CEP85L: variants seen among roughly 807,000 people sequenced by gnomAD.
CEP85L encodes centrosomal protein 85L, also known as centrosomal protein of 85 kDa-like.
A neutral mutation model predicts 100.3 loss-of-function variants in CEP85L; 60 were observed. The observed-to-expected ratio is 0.60, with a 90% CI of 0.49 to 0.74. The LOEUF is 0.74. CEP85L is among the 30% of genes least tolerant of loss of function. The pLI is 0.00. For missense variants in CEP85L, 973 were observed against 936.2 expected (o/e 1.04, Z -0.51); for synonymous variants, 319 against 322.7 (o/e 0.99, Z 0.12).
chr6:118,699,436 C>T (rs1285265657), intron 1 of CEP85L, among the ~76,000 whole-genome samples: 3 of 139,940 alleles, frequency 2.1e-5, no homozygotes, highest in African/African-American at 8.1e-5. Flanking sequence ...GCCTGGATGA[C>T]AGAGCAAGAC....
intron 5 of CEP85L, among the ~76,000 whole-genome samples, chr6:118,497,541 T>C (rs1582913676): frequency 6.6e-6 from 1 of 152,286 alleles, no homozygotes; most frequent in Non-Finnish European, 1.5e-5. Context: ...GTTATGTGCT[T>C]GAATCATCCC....
chr6:118,669,579 T>C (rs1013546299), intron 1 of CEP85L, among the ~76,000 whole-genome samples: 1 of 152,070 alleles, frequency 6.6e-6, no homozygotes, highest in African/African-American at 2.4e-5. Context: ...ATAAATATTT[T>C]CATTAGAAAT....
chr6:118,571,938 C>A (rs1779913486), intron 2 of CEP85L, among the ~76,000 whole-genome samples: 1 of 152,130 alleles, frequency 6.6e-6, no homozygotes, highest in Non-Finnish European at 1.5e-5. Flanking sequence ...CTCACCACAA[C>A]CTCTGCCTCC....
chr6:118,487,942 A>G (rs1774293884), intron 6 of CEP85L, among the ~76,000 whole-genome samples: 1 of 152,130 alleles, frequency 6.6e-6, no homozygotes, highest in Non-Finnish European at 1.5e-5. Flanking sequence ...ACTGGCTGAA[A>G]TTCTGCTTGT....
chr6:118,588,825 G>A (rs1205638374), intron 2 of CEP85L, among the ~76,000 whole-genome samples: 1 of 152,134 alleles, frequency 6.6e-6, no homozygotes, highest in East Asian at 1.9e-4. Context: ...TTCTTCCGAG[G>A]ATCCTTGGAT....
chr6:118,571,734 C>G (rs1779900490), intron 2 of CEP85L, among the ~76,000 whole-genome samples: 1 of 152,116 alleles, frequency 6.6e-6, no homozygotes, highest in Non-Finnish European at 1.5e-5. Context: ...AACTATATAA[C>G]CCTGTATCAA....
chr6:118,529,082 G>C (rs1777134273), intron 3 of CEP85L, among the ~76,000 whole-genome samples: 1 of 152,114 alleles, frequency 6.6e-6, no homozygotes, highest in Non-Finnish European at 1.5e-5. Flanking sequence ...TTTATCTTTT[G>C]AAAGTCCTAA....
chr6:118,698,611 A>G (rs1360463894), intron 1 of CEP85L, among the ~76,000 whole-genome samples: 1 of 152,048 alleles, frequency 6.6e-6, no homozygotes, highest in Non-Finnish European at 1.5e-5. Context: ...TCACTGTGAT[A>G]AGGATACTAC....
intron 2 of CEP85L, among the ~76,000 whole-genome samples, chr6:118,587,845 GTTATCT>G (rs1447264117): frequency 6.6e-6 from 1 of 152,142 alleles, no homozygotes; most frequent in Non-Finnish European, 1.5e-5. Context: ...CCTAAATATG[GTTATCT>G]TTATCCCAAG....
chr6:118,479,403 G>A (rs1215907878), intron 10 of CEP85L, among the ~76,000 whole-genome samples: 1 of 152,094 alleles, frequency 6.6e-6, no homozygotes, highest in Non-Finnish European at 1.5e-5. Context: ...GAGCATGCCA[G>A]GTACATAAAG....
intron 3 of CEP85L, among the ~76,000 whole-genome samples, chr6:118,524,273 T>C (rs2114789979): frequency 6.6e-6 from 1 of 152,086 alleles, no homozygotes; most frequent in East Asian, 1.9e-4. Flanking sequence ...TGAAACCCCA[T>C]CTCTACTAAA....
At chr6:118,499,358 A>C (rs970011010) in intron 5 of CEP85L, among the ~76,000 whole-genome samples, 10 of 152,190 alleles carry the variant, frequency 6.6e-5, no homozygotes, top group African/African-American at 2.4e-4. Context: ...ACAAAATCTA[A>C]CACCCATTCA....
chr6:118,708,005 T>A (rs1777656431), intron 1 of CEP85L, among the ~76,000 whole-genome samples: 1 of 151,898 alleles, frequency 6.6e-6, no homozygotes, highest in African/African-American at 2.4e-5. Flanking sequence ...TCTGGCAGCA[T>A]CTACTAAAAT....
chr6:118,608,074 T>C (rs1772352079), intron 2 of CEP85L, among the ~76,000 whole-genome samples: 1 of 152,260 alleles, frequency 6.6e-6, no homozygotes, highest in Non-Finnish European at 1.5e-5. Context: ...AGGAGCTCTT[T>C]AGGCACTAGA....
chr6:118,559,037 T>G lies in CEP85L; in HGVS notation c.1020+6492A>C, dbSNP rs111033560. The G allele has an allele frequency of 1.9e-5, 31 of 1,610,992 alleles. No homozygotes were observed. The highest frequency in any genetic ancestry group is 2.5e-5 in the Non-Finnish European group (29 of 1,177,192). On this transcript the variant is annotated intron_variant, in intron 3 of 12. Transcript: ENST00000368491. ...CTATTTATCAATTTCTGTCTCATCT[T>G]AATATGTCTCTTGCTGATCTGTATC...
intron 2 of CEP85L, among the ~76,000 whole-genome samples, chr6:118,614,944 T>C (rs1432943764): frequency 6.6e-6 from 1 of 152,248 alleles, no homozygotes; most frequent in East Asian, 1.9e-4. Flanking sequence ...ATATTATAAA[T>C]GTATTTCTAA....
At chr6:118,502,448 C>T (rs9489419) in intron 5 of CEP85L, 350,159 of 520,532 alleles carry the variant, frequency 0.67, 121,198 homozygotes, top group Non-Finnish European at 0.73. Flanking sequence ...TATCACCTGA[C>T]GATGAAGGCC....
At chr6:118,593,442 G>A (rs1781298049) in intron 2 of CEP85L, among the ~76,000 whole-genome samples, 1 of 152,014 alleles carries the variant, frequency 6.6e-6, no homozygotes, top group Middle Eastern at 3.2e-3. Flanking sequence ...AGGCAAAGCA[G>A]GAGTAGGTGT....
chr6:118,637,472 C>T (rs1774570534), intron 1 of CEP85L, among the ~76,000 whole-genome samples: 1 of 150,900 alleles, frequency 6.6e-6, no homozygotes, highest in East Asian at 1.9e-4. Flanking sequence ...CCAACGCTGG[C>T]AGACAGCTTG....
Sources: gnomAD v4.1 joint callset for allele counts (sites outside exome capture counted in the v4.1 genomes callset) on GRCh38, gnomAD v4.1.1 for gene constraint, MANE v1.5 for transcripts, NCBI Gene and HGNC (gene_info 2026-07-23, HGNC 2026-07-21) for gene names.